Variants in PDXDC1 observed in about 807,000 individuals in gnomAD.
PDXDC1 encodes pyridoxal-dependent decarboxylase domain-containing protein 1.
Under a neutral mutation model 100.1 loss-of-function variants are expected in PDXDC1, and 42 were observed. That is an observed-to-expected ratio of 0.42 (90% confidence interval 0.33 to 0.54). PDXDC1 has a LOEUF of 0.54. Ranked by LOEUF, PDXDC1 falls within the 20% of genes least tolerant of loss-of-function variation. PDXDC1 has a pLI of 0.10. For synonymous variants in PDXDC1, 260 were observed against 371.7 expected, an observed-to-expected ratio of 0.70 and a Z score of 3.46; for missense variants, 636 against 979.2, an observed-to-expected ratio of 0.65 and a Z score of 4.68.
chr16:15,034,530 G>A lies in PDXDC1; in HGVS notation c.1979G>A (p.Gly660Glu). 2 of 1,613,966 alleles carry A rather than the reference G, an allele frequency of 1.2e-6. No individual in the cohort carries two copies. Among genetic ancestry groups the A allele is most frequent in the Non-Finnish European group, 1.7e-6 (2 of 1,179,892 alleles). The stretch of plus-strand genomic sequence containing the variant: ...TCTCCGGTCCAGGCTTTACAGAAGG[G>A]AAGAACTTTTAACTTGACAGCAGGT... ...WFSPVQALQK[G>E]RTFNLTAGSL... The change falls in exon 21 of 23, where the codon GGA becomes GAA. Residue 660 changes from glycine (G) to glutamate (E), a missense_variant. This residue lies in a region of PDXDC1 where 452 missense variants were observed against 402.9 expected (regional missense o/e 1.12). Coordinates refer to ENST00000396410, the MANE Select transcript of PDXDC1 (RefSeq NM_015027.4).
intron 16 of PDXDC1, among the ~76,000 whole-genome samples, chr16:15,129,685 C>CCA (rs755843761): frequency 1.1e-3 from 167 of 152,272 alleles, no homozygotes; most frequent in Non-Finnish European, 1.9e-3. Flanking sequence ...GCACCTACTT[C>CCA]CAGCTAGGAG....
chr16:15,077,386 T>C (rs1380803372), intron 16 of PDXDC1, among the ~76,000 whole-genome samples: 1 of 152,112 alleles, frequency 6.6e-6, no homozygotes, highest in Non-Finnish European at 1.5e-5. Flanking sequence ...CATACTGTTC[T>C]CGTGATAGTG....
At chr16:14,975,395 G>A in intron 1 of PDXDC1, 175 bp downstream of exon 1, 1 of 985,506 alleles carries the variant, frequency 1.0e-6, no homozygotes, top group Non-Finnish European at 1.2e-6. Context: ...GCGCGTCACG[G>A]GGCCGGGTGT....
downstream of PDXDC1, among the ~76,000 whole-genome samples, chr16:15,042,675 A>C (rs1303714678): frequency 6.6e-6 from 1 of 152,122 alleles, no homozygotes; most frequent in Non-Finnish European, 1.5e-5. Flanking sequence ...TTATTTTCTT[A>C]GCATATATTT....
Position 15,047,238 on chromosome 16 carries a change from G to GACTCCTTGCCTGTGCCCAGCACCC in PDXDC1, c.1399+17187_1399+17210dup, listed in dbSNP as rs1303371691. ...AGCCTTCCATCTCAAATCCAGCACA[G>GACTCCTTGCCTGTGCCCAGCACCC]ACTCCTTGCCTGTGCCCAGCACCCA... On this transcript the variant is annotated intron_variant, in intron 16 of 16. Coordinates refer to the PDXDC1 transcript ENST00000535621. 34 of 557,562 alleles carry GACTCCTTGCCTGTGCCCAGCACCC rather than the reference G, an allele frequency of 6.1e-5. No homozygotes were observed. In the East Asian group the frequency reaches 1.0e-3, roughly 16 times the overall value. 34.5% of individuals were successfully genotyped at this position (557,562 alleles called of 1,614,324 possible).
chr16:15,041,519 A>C (rs554179142), downstream of PDXDC1: 1 of 816,634 alleles, frequency 1.2e-6, no homozygotes, highest in East Asian at 2.4e-5. Context: ...ATGGTGGCCA[A>C]GCAGTGACAG....
At chr16:14,990,805 A>G (rs1238835991) in intron 1 of PDXDC1, among the ~76,000 whole-genome samples, 4 of 152,386 alleles carry the variant, frequency 2.6e-5, no homozygotes, top group African/African-American at 7.2e-5. Context: ...CAGTGTCGCA[A>G]TTTCAGCTCG....
At chr16:15,141,638 C>T (rs559814928), downstream of PDXDC1, among the ~76,000 whole-genome samples, 10 of 152,206 alleles carry the variant, frequency 6.6e-5, no homozygotes, top group South Asian at 4.1e-4. Context: ...AACCCTGCTT[C>T]TCTGCCGTCC....
rs1329007422 is a variant in PDXDC1 at position 15,071,629 on chromosome 16, A to G, written c.1399+41573A>G. Among the ~76,000 whole-genome samples, 4 of 152,248 alleles carry G rather than the reference A, an allele frequency of 2.6e-5. No homozygotes were observed. In the South Asian group the frequency reaches 6.2e-4, roughly 24 times the overall value. ...CTAAAAATACAAAAATTAGCCAGGC[A>G]TGGTGGCAGGTGCCTGTAATCCCAG... is the stretch of plus-strand genomic sequence containing the variant. On this transcript the variant is annotated intron_variant, in intron 16 of 16. Coordinates refer to the PDXDC1 transcript ENST00000535621.
rs1273341606 is a variant in PDXDC1, at chr16:15,126,082, T to A, written c.1400-12797T>A. 8.3e-4 allele frequency: 419 copies of A among 506,214 alleles called. 1 individual carries two copies. The highest frequency in any genetic ancestry group is 4.6e-4 in the South Asian group (22 of 48,066). The allele number at this position is 506,214 out of a possible 1,614,324, so 31.4% of individuals were successfully genotyped here. ...TGGAGTCTCGCTCTGTCACCCAGGC[T>A]GGAGTGCACTGGCGCAATCTCAGCT... On this transcript the variant is annotated intron_variant, in intron 16 of 16. Coordinates refer to the PDXDC1 transcript ENST00000535621.
intron 16 of PDXDC1, among the ~76,000 whole-genome samples, chr16:15,078,873 G>C (rs1378081574): frequency 4.1e-5 from 6 of 147,826 alleles, no homozygotes; most frequent in African/African-American, 1.5e-4. Flanking sequence ...GCGGAGTGGC[G>C]CAATCTCGGC....
chr16:14,995,985 A>C (rs1445420203), intron 1 of PDXDC1, among the ~76,000 whole-genome samples: 1 of 152,294 alleles, frequency 6.6e-6, no homozygotes, highest in Non-Finnish European at 1.5e-5. Flanking sequence ...ATTGGTGGTG[A>C]TATCCCCTTT....
At chr16:15,082,537 G>C (rs1284739238) in intron 16 of PDXDC1, among the ~76,000 whole-genome samples, 1 of 151,876 alleles carries the variant, frequency 6.6e-6, no homozygotes, top group Non-Finnish European at 1.5e-5. Context: ...GCGGGGTGTG[G>C]TGCCCCATGT....
chr16:15,047,558 A>G (rs374028618), intron 16 of PDXDC1: 88 of 1,600,034 alleles, frequency 5.5e-5, no homozygotes, highest in Non-Finnish European at 7.1e-5. Context: ...TACCTGAAGA[A>G]CAAGGGTGAA....
intron 8 of PDXDC1, among the ~76,000 whole-genome samples, chr16:15,011,771 C>T (rs1176498803): frequency 1.1e-4 from 17 of 152,192 alleles, no homozygotes; most frequent in African/African-American, 3.6e-4. Flanking sequence ...TCAAGCGATT[C>T]GCCTGCCTCA....
At chr16:15,141,048 C>T (rs1442073529), downstream of PDXDC1, among the ~76,000 whole-genome samples, 5 of 149,660 alleles carry the variant, frequency 3.3e-5, no homozygotes, top group Non-Finnish European at 7.4e-5. Context: ...CAGCCCCTAC[C>T]GGCCTCCATC....
chr16:15,144,905 G>A, the PDXDC1 span, among the ~76,000 whole-genome samples: 3 of 152,164 alleles, frequency 2.0e-5, no homozygotes, highest in East Asian at 5.8e-4. Flanking sequence ...TGGGGTCGGG[G>A]CCACCCTTCC....
At chr16:15,019,523 T>C (rs937794015) in intron 12 of PDXDC1, among the ~76,000 whole-genome samples, 1 of 152,290 alleles carries the variant, frequency 6.6e-6, no homozygotes, top group Non-Finnish European at 1.5e-5. Flanking sequence ...GAGTGGGTAA[T>C]TTATAAACAA....
intron 16 of PDXDC1, among the ~76,000 whole-genome samples, chr16:15,071,783 A>G (rs2045241747): frequency 6.6e-6 from 1 of 152,100 alleles, no homozygotes; most frequent in Non-Finnish European, 1.5e-5. Flanking sequence ...ACAAACAAAC[A>G]AAAAACAACA....
Sources: allele counts gnomAD v4.1 joint callset (sites outside exome capture counted in the v4.1 genomes callset), GRCh38; gene constraint gnomAD v4.1.1; regional missense constraint gnomAD v4.1.1; transcripts MANE v1.5; gene names NCBI Gene and HGNC (gene_info 2026-07-23, HGNC 2026-07-21).